ACAD11: variants seen among roughly 807,000 people sequenced by gnomAD.
ACAD11 encodes acyl-Coenzyme A dehydrogenase family, member 11.
A neutral mutation model predicts 102.2 loss-of-function variants in ACAD11; 83 were observed. The ratio of observed to expected loss-of-function variants is 0.81; its 90% CI spans 0.68 to 0.97. The LOEUF (loss-of-function observed/expected upper bound fraction) is 0.97. Among genes scored for constraint, ACAD11 ranks in the 50% least tolerant of loss-of-function variants. The pLI is 0.00. For missense variants in ACAD11, 901 were observed against 951.7 expected (o/e 0.95, Z 0.70); for synonymous variants, 324 against 319.8 (o/e 1.01, Z -0.14).
At chr3:132,581,134 T>G (rs1484696707) in intron 13 of ACAD11, among the ~76,000 whole-genome samples, 5 of 151,884 alleles carry the variant, frequency 3.3e-5, no homozygotes, top group African/African-American at 1.2e-4. Context: ...CTTAAAAGGT[T>G]TCAGAGAGAA....
At chr3:132,595,611 AAC>A (rs1464321074) in intron 13 of ACAD11, among the ~76,000 whole-genome samples, 3 of 152,334 alleles carry the variant, frequency 2.0e-5, no homozygotes, top group Admixed American at 6.5e-5. Context: ...AATTAAAAAC[AAC>A]CCTATTAAAA....
rs74567421 is a variant in ACAD11, at chr3:132,654,210, G to T, written c.149+5393C>A. Among the ~76,000 whole-genome samples the T allele has an allele frequency of 3.7e-3, 557 of 152,314 alleles. 2 individuals carry two copies. Among genetic ancestry groups the T allele is most frequent in the Non-Finnish European group, 6.5e-3 (441 of 68,034 alleles). On this transcript the variant is annotated intron_variant, in intron 1 of 19. Coordinates refer to ENST00000264990, the MANE Select transcript of ACAD11 (RefSeq NM_032169.5). Reference sequence around the variant, plus strand: ...AGTAAACCCTTCAAAATACAGTCATGCATTGCTTAATGACAGGGATGTGTT... The same window carrying T: ...AGTAAACCCTTCAAAATACAGTCATTCATTGCTTAATGACAGGGATGTGTT...
intron 17 of ACAD11, among the ~76,000 whole-genome samples, chr3:132,568,446 C>G (rs1023629986): frequency 3.9e-5 from 6 of 152,106 alleles, no homozygotes; most frequent in Admixed American, 3.3e-4. Flanking sequence ...GAATAGAAAA[C>G]TCCACATAGT....
chr3:132,640,973 A>C (rs1940471944), intron 4 of ACAD11, among the ~76,000 whole-genome samples: 1 of 152,138 alleles, frequency 6.6e-6, no homozygotes, highest in African/African-American at 2.4e-5. Context: ...ATTATAAGAT[A>C]TCTCTCCCAG....
intron 5 of ACAD11, among the ~76,000 whole-genome samples, chr3:132,634,122 C>T (rs1940169606): frequency 6.6e-6 from 1 of 152,088 alleles, no homozygotes; most frequent in Admixed American, 6.6e-5. Flanking sequence ...GAACAGGCAA[C>T]CTACAAAATG....
chr3:132,649,263 G>A (rs1288661924), intron 1 of ACAD11, among the ~76,000 whole-genome samples: 1 of 152,212 alleles, frequency 6.6e-6, no homozygotes, highest in Non-Finnish European at 1.5e-5. Context: ...GCCTCTTGCA[G>A]TGGAGATACA....
intron 13 of ACAD11, among the ~76,000 whole-genome samples, chr3:132,599,187 CAATA>C (rs1171521448): frequency 1.3e-5 from 2 of 151,456 alleles, no homozygotes; most frequent in Admixed American, 6.6e-5. Context: ...ATAACCTGGT[CAATA>C]AATAAATAAA....
rs762274049 is a variant in ACAD11, at chr3:132,559,043, G to A, written c.2271C>T (p.Asp757=). ...TTGCGATTGCTGAAAGATGAACTTC[G>A]TCAGGTCCATCTGCTAAACGCAAAA... ...TRVLRLADGP[D]EVHLSAIATM... Residue 757 remains aspartate (D), a synonymous_variant, in exon 20 of 20, where the codon GAC becomes GAT. Coordinates refer to ENST00000264990, the MANE Select transcript of ACAD11 (RefSeq NM_032169.5). The A allele has an allele frequency of 1.2e-5, 20 of 1,613,658 alleles. No individual in the cohort carries two copies. The highest frequency in any genetic ancestry group is 8.9e-5 in the East Asian group (4 of 44,888).
chr3:132,655,763 G>T (rs912594581), intron 1 of ACAD11, among the ~76,000 whole-genome samples: 1 of 152,152 alleles, frequency 6.6e-6, no homozygotes, highest in African/African-American at 2.4e-5. Context: ...CAAGATTATT[G>T]TTACATCCTC....
In ACAD11 at chr3:132,575,855, C is replaced by T; in HGVS notation, c.1918G>A (p.Val640Ile). The T allele has an allele frequency of 6.2e-7, 1 of 1,614,094 alleles. No individual in the cohort carries two copies. Among genetic ancestry groups the T allele is most frequent in the Non-Finnish European group, 8.5e-7 (1 of 1,180,000 alleles). The stretch of plus-strand genomic sequence containing the variant: ...TGCAAAGCGCGTTCCGCCAAACCTA[C>T]TGTTCTCATACAGTGGTGGATTCTG... ...PGRIHHCMRT[V>I]GLAERALQIM... The change falls in exon 17 of 20, where the codon GTA becomes ATA. Residue 640 changes from valine (V) to isoleucine (I), a missense_variant. Transcript: ENST00000264990.
At chr3:132,626,657 T>C in intron 9 of ACAD11, 34 bp downstream of exon 9, 1 of 1,608,720 alleles carries the variant, frequency 6.2e-7, no homozygotes, top group Non-Finnish European at 8.5e-7. Context: ...GATAGTCCTT[T>C]AGCAGAAATA....
chr3:132,561,334 A>G, intron 17 of ACAD11, 117 bp from the exon 18 acceptor site: 1 of 763,058 alleles, frequency 1.3e-6, no homozygotes, highest in Non-Finnish European at 2.3e-6. Flanking sequence ...ATTGTTCACA[A>G]GCTTTACTCT....
Position 132,618,656 on chromosome 3 carries a change from A to T in ACAD11, c.1392T>A (p.Asp464Glu). ...EETGKCFFAP[D>E]VFNCQAPDTG... The stretch of plus-strand genomic sequence containing the variant: ...AACCTGGTGCTTGGCAGTTAAAGAC[A>T]TCTGGAGCAAAAAAGCATTTTCCTG... The change falls in exon 11 of 20, where the codon GAT (aspartate) becomes GAA (glutamate). Residue 464 changes from aspartate to glutamate, a missense_variant. Asp to Glu is a conservative substitution (Grantham distance 45). Transcript: ENST00000264990. 3 of 1,605,830 alleles carry T rather than the reference A, an allele frequency of 1.9e-6. No individual in the cohort carries two copies.
At chr3:132,618,340 T>C (rs896074986) in intron 11 of ACAD11, 1 of 335,310 alleles carries the variant, frequency 3.0e-6, no homozygotes, top group African/African-American at 2.1e-5. Context: ...CAACTAGTAA[T>C]AGAAATATCC....
At chr3:132,635,695 G>C (rs1424251322) in intron 5 of ACAD11, among the ~76,000 whole-genome samples, 1 of 152,132 alleles carries the variant, frequency 6.6e-6, no homozygotes, top group Non-Finnish European at 1.5e-5. Flanking sequence ...CAAAGAACCT[G>C]GCACACAACA....
At chr3:132,584,792 G>A (rs867015059) in intron 13 of ACAD11, among the ~76,000 whole-genome samples, 5 of 152,160 alleles carry the variant, frequency 3.3e-5, no homozygotes, top group African/African-American at 1.2e-4. Context: ...TACAAGGGAC[G>A]TGAAGGACCT....
At chr3:132,658,674 C>A (rs1213843421) in intron 1 of ACAD11, among the ~76,000 whole-genome samples, 1 of 152,188 alleles carries the variant, frequency 6.6e-6, no homozygotes, top group Non-Finnish European at 1.5e-5. Flanking sequence ...GGACATGGGA[C>A]CTTTAAATTC....
chr3:132,637,997 G>C lies in ACAD11; in HGVS notation c.702+1495C>G, dbSNP rs146113176. On this transcript the variant is annotated intron_variant, in intron 5 of 19. Coordinates refer to ENST00000264990, the MANE Select transcript of ACAD11 (RefSeq NM_032169.5). Reference sequence around the variant, plus strand: ...TATAATTCTATCCCCTACAACCACTGTTTAGGTTTTCGTACATATTATGAA... The same window carrying C: ...TATAATTCTATCCCCTACAACCACTCTTTAGGTTTTCGTACATATTATGAA... Among the ~76,000 whole-genome samples, 37 of 152,176 alleles carry C rather than the reference G, an allele frequency of 2.4e-4. No homozygotes were observed. The East Asian group carries it at 6.9e-3, about 29-fold the overall frequency.
At chr3:132,562,389 C>A (rs1215660440) in intron 17 of ACAD11, among the ~76,000 whole-genome samples, 1 of 152,206 alleles carries the variant, frequency 6.6e-6, no homozygotes, top group Non-Finnish European at 1.5e-5. Context: ...AGGCGTGAGC[C>A]ATCGCGAGAT....
Sources: gnomAD v4.1 joint callset for allele counts (sites outside exome capture counted in the v4.1 genomes callset) on GRCh38, gnomAD v4.1.1 for gene constraint, MANE v1.5 for transcripts, NCBI Gene and HGNC (gene_info 2026-07-23, HGNC 2026-07-21) for gene names.